The following PCNX2 variants were observed in gnomAD, a reference collection of about 807,000 sequenced individuals.
PCNX2 encodes pecanex 2.
Under a neutral mutation model 223.8 loss-of-function variants are expected in PCNX2, and 168 were observed. The observed-to-expected ratio is 0.75, with a 90% CI of 0.66 to 0.85. PCNX2 has a LOEUF of 0.85. Among genes scored for constraint, PCNX2 ranks in the 40% least tolerant of loss-of-function variants. The pLI is 0.00. For synonymous variants in PCNX2, 1,006 were observed against 1,052.6 expected (o/e 0.96, Z 0.86); for missense variants, 2,507 against 2,675.5 (o/e 0.94, Z 1.39).
chr1:233,197,400 G>A (rs532178159), intron 15 of PCNX2, among the ~76,000 whole-genome samples: 24 of 152,194 alleles, frequency 1.6e-4, no homozygotes, highest in Admixed American at 4.6e-4. Context: ...GTTCTCAGAA[G>A]TACAAGGACT....
chr1:233,194,082 G>A (rs1034441171), intron 15 of PCNX2, among the ~76,000 whole-genome samples: 7 of 149,600 alleles, frequency 4.7e-5, no homozygotes, highest in South Asian at 2.1e-4. Context: ...AAAAAAAAAC[G>A]CCATACACTT....
chr1:233,057,434 T>C, intron 23 of PCNX2, 144 bp from the exon 24 acceptor site: 1 of 661,192 alleles, frequency 1.5e-6, no homozygotes. Flanking sequence ...TTTACCACAC[T>C]GCAGGAAGAG....
At chr1:233,184,788 C>T (rs1466937820) in intron 15 of PCNX2, among the ~76,000 whole-genome samples, 1 of 152,052 alleles carries the variant, frequency 6.6e-6, no homozygotes, top group Non-Finnish European at 1.5e-5. Flanking sequence ...ATGTTTATGT[C>T]CTTCAACAAG....
chr1:233,184,885 G>A (rs530374010), intron 15 of PCNX2, among the ~76,000 whole-genome samples: 1 of 152,002 alleles, frequency 6.6e-6, no homozygotes, highest in South Asian at 2.1e-4. Flanking sequence ...TATTCCAGGT[G>A]CTAATTTTCA....
At position 233,000,740 on chromosome 1, in the gene PCNX2, A is replaced by C. The variant is rs1372956889; in HGVS notation, c.5098-205T>G. On this transcript the variant is annotated intron_variant, in intron 29 of 33. Transcript: ENST00000258229. This position sits in a 1 kb window ranked among gnomAD's most constrained non-coding sequence, Gnocchi z 4.6. Reference sequence around the variant, plus strand: ...CCTAACCAATGGAATGTGCCTAGAAAAGAGCTTCATGGCTTAGGTTCCTCT... The same window carrying C: ...CCTAACCAATGGAATGTGCCTAGAACAGAGCTTCATGGCTTAGGTTCCTCT... Among the ~76,000 whole-genome samples, 1 of 152,220 alleles carries C rather than the reference A, an allele frequency of 6.6e-6. No homozygotes were observed. The highest frequency in any genetic ancestry group is 1.5e-5 in the Non-Finnish European group (1 of 68,032).
At chr1:233,138,519 G>T (rs950597977) in intron 20 of PCNX2, among the ~76,000 whole-genome samples, 2 of 152,142 alleles carry the variant, frequency 1.3e-5, no homozygotes, top group Non-Finnish European at 2.9e-5. Flanking sequence ...TTCTCAGGGG[G>T]AGTTGCAGGG....
chr1:233,224,699 C>T (rs1657593116), intron 10 of PCNX2, among the ~76,000 whole-genome samples: 2 of 152,116 alleles, frequency 1.3e-5, no homozygotes, highest in South Asian at 4.1e-4. Flanking sequence ...TCACTGTGAG[C>T]TGTGAGTTCA....
chr1:233,131,758 T>A (rs1207939912), intron 21 of PCNX2, among the ~76,000 whole-genome samples: 1 of 152,166 alleles, frequency 6.6e-6, no homozygotes, highest in Non-Finnish European at 1.5e-5. Flanking sequence ...TTAGCCATTA[T>A]CCCAGCCTAA....
intron 1 of PCNX2, among the ~76,000 whole-genome samples, chr1:233,292,469 A>G (rs1358446667): frequency 6.6e-6 from 1 of 152,140 alleles, no homozygotes; most frequent in Non-Finnish European, 1.5e-5. Flanking sequence ...TTGGCCTCCC[A>G]AAGTGCTGGG....
At chr1:233,108,181 C>G (rs755056891) in intron 21 of PCNX2, among the ~76,000 whole-genome samples, 15 of 152,144 alleles carry the variant, frequency 9.9e-5, no homozygotes, top group Non-Finnish European at 1.9e-4. Context: ...TTCTTTTATT[C>G]CTTCACTTCC....
At chr1:233,208,826 C>CAAAAAAAAAAAAAAAAAATAA in intron 12 of PCNX2, 137 bp from the exon 13 acceptor site, 1 of 59,536 alleles carries the variant, frequency 1.7e-5, no homozygotes, top group Non-Finnish European at 3.2e-5. Context: ...AATTCATATA[C>CAAAAAAAAAAAAAAAAAATAA]AAAAAAAAAA....
chr1:233,200,037 T>C, intron 14 of PCNX2, 117 bp downstream of exon 14: 1 of 829,492 alleles, frequency 1.2e-6, no homozygotes, highest in Non-Finnish European at 1.8e-6. Context: ...ACTGAAGTCA[T>C]TTAAATGCTC....
chr1:233,035,534 G>T (rs933764361), intron 25 of PCNX2, among the ~76,000 whole-genome samples: 75 of 152,288 alleles, frequency 4.9e-4, no homozygotes, highest in African/African-American at 1.7e-3. Context: ...GACCAAGGGG[G>T]ATGTTAGAGA....
At chr1:233,261,434 G>A in intron 3 of PCNX2, 113 bp from the exon 4 acceptor site, 2 of 928,306 alleles carry the variant, frequency 2.2e-6, no homozygotes, top group South Asian at 1.4e-5. Flanking sequence ...ATGTAGGGGA[G>A]AGACAATACA....
chr1:233,161,893 A>T (rs951462249), intron 17 of PCNX2, among the ~76,000 whole-genome samples: 18 of 151,334 alleles, frequency 1.2e-4, no homozygotes, highest in Non-Finnish European at 2.2e-4. Flanking sequence ...GGACTAGACC[A>T]GATTTTGCAT....
chr1:233,241,096 G>T, intron 8 of PCNX2: 2 of 854,078 alleles, frequency 2.3e-6, no homozygotes, highest in Non-Finnish European at 2.8e-6. Flanking sequence ...CATGTAGGAT[G>T]TTTAACTAAA....
chr1:233,291,989 T>G (rs1661792394), intron 1 of PCNX2: 2 of 985,074 alleles, frequency 2.0e-6, no homozygotes, highest in African/African-American at 3.5e-5. Context: ...TGTTTTCAGT[T>G]GTACATTTCC....
intron 19 of PCNX2, among the ~76,000 whole-genome samples, chr1:233,146,486 T>C (rs984561100): frequency 5.3e-5 from 8 of 152,236 alleles, no homozygotes; most frequent in Non-Finnish European, 1.2e-4. Context: ...TACAGTTAAG[T>C]TTCTTTCTGT....
intron 15 of PCNX2, among the ~76,000 whole-genome samples, chr1:233,190,093 A>G (rs558491791): frequency 6.6e-6 from 1 of 152,340 alleles, no homozygotes; most frequent in South Asian, 2.1e-4. Flanking sequence ...ATAAAAATTA[A>G]GGAAATAAAC....
Sources: allele counts gnomAD v4.1 joint callset (sites outside exome capture counted in the v4.1 genomes callset), GRCh38; gene constraint gnomAD v4.1.1; non-coding constraint Gnocchi (gnomAD v3.1); transcripts MANE v1.5; gene names NCBI Gene and HGNC (gene_info 2026-07-23, HGNC 2026-07-21).